The following DNAJC11 variants were observed in gnomAD, a reference collection of about 807,000 sequenced individuals.
The protein encoded by DNAJC11 is dnaJ homolog subfamily C member 11.
In DNAJC11, 15 loss-of-function variants were observed where a neutral mutation model predicts 78.6. The observed-to-expected ratio is 0.19, with a 90% confidence interval of 0.13 to 0.29. DNAJC11 has a LOEUF of 0.29. Ranked by LOEUF, DNAJC11 falls within the 10% of genes least tolerant of loss-of-function variation. DNAJC11 has a pLI of 1.00. For missense variants in DNAJC11, 547 were observed against 709.6 expected, an observed-to-expected ratio of 0.77 and a Z score of 2.60; for synonymous variants, 292 against 272.1, an observed-to-expected ratio of 1.07 and a Z score of -0.72.
Position 6,680,758 on chromosome 1 carries a change from C to A in DNAJC11, c.202+150G>T. On this transcript the variant is annotated intron_variant, in intron 2 of 15. Transcript: ENST00000377577. This position sits in a 1 kb window ranked among gnomAD's most constrained non-coding sequence, Gnocchi z 4.0. Reference sequence around the variant, plus strand: ...TTTCCAAAGCAAAATACTATTCTTTCAAAGGACCCTGTCAGTGAAAAGTAC... The same window carrying A: ...TTTCCAAAGCAAAATACTATTCTTTAAAAGGACCCTGTCAGTGAAAAGTAC... The A allele has an allele frequency of 1.1e-6, 1 of 910,062 alleles. No homozygotes were observed. The highest frequency in any genetic ancestry group is 2.7e-4 in the Middle Eastern group (1 of 3,772). The allele number at this position is 910,062 out of a possible 1,614,324, so 56.4% of individuals were successfully genotyped here. A position where few individuals can be genotyped will look rare whatever the true frequency, so the allele number is the denominator to read the frequency against.
At position 6,634,598 on chromosome 1, in the gene DNAJC11, CGA is replaced by C. The variant is rs747833659; in HGVS notation, c.*1075_*1076del. 29 of 1,365,978 alleles carry C rather than the reference CGA, an allele frequency of 2.1e-5. No individual in the cohort carries two copies. The highest frequency in any genetic ancestry group is 4.6e-5 in the East Asian group (1 of 21,972). 84.6% of individuals were successfully genotyped at this position (1,365,978 alleles called of 1,614,324 possible). On this transcript the variant is annotated 3_prime_UTR_variant, in exon 16 of 16. Coordinates refer to ENST00000377577, the MANE Select transcript of DNAJC11 (RefSeq NM_018198.4). Reference sequence around the variant, plus strand: ...ACTGATGGCTGCCACTTCCAGGCCCCGAGAGACAGGCCTCACGTAACTTTACT... The same window carrying C: ...ACTGATGGCTGCCACTTCCAGGCCCCGAGACAGGCCTCACGTAACTTTACT...
intron 4 of DNAJC11, among the ~76,000 whole-genome samples, chr1:6,658,075 C>T (rs998086650): frequency 6.6e-6 from 1 of 152,226 alleles, no homozygotes; most frequent in Non-Finnish European, 1.5e-5. Flanking sequence ...CAAGAAACCA[C>T]CATTTCTGTG....
chr1:6,694,036 A>G (rs907747082), intron 1 of DNAJC11, among the ~76,000 whole-genome samples: 2 of 151,726 alleles, frequency 1.3e-5, no homozygotes, highest in Non-Finnish European at 2.9e-5. Flanking sequence ...GGGTTTCACC[A>G]TGCTGGCCAG....
chr1:6,638,531 G>A (rs1641822659), intron 11 of DNAJC11, among the ~76,000 whole-genome samples, 167 bp from the exon 12 acceptor site: 1 of 152,208 alleles, frequency 6.6e-6, no homozygotes, highest in South Asian at 2.1e-4. Context: ...AGGCAAGTCT[G>A]TTAGTCACAG....
At chr1:6,678,931 G>A (rs1451796550) in intron 2 of DNAJC11, among the ~76,000 whole-genome samples, 5 of 152,160 alleles carry the variant, frequency 3.3e-5, no homozygotes, top group East Asian at 3.8e-4. Context: ...TTACAGGTGT[G>A]AGCCACTGCA....
At position 6,667,722 on chromosome 1, in the gene DNAJC11, C is replaced by T. The variant is rs146449481; in HGVS notation, c.365G>A (p.Arg122Gln). ...CCCCTGGCTTACCTTGGGATTGGTT[C>T]GCTGCTGCAATCTCCTCTCTTCTCT... ...REREERRLQQRTNPKGTISVG... is the reference protein window; with the variant it reads ...REREERRLQQQTNPKGTISVG... The change falls in exon 4 of 16, where the codon CGA (arginine) becomes CAA (glutamine). Residue 122 changes from arginine (R) to glutamine (Q), a missense_variant. Coordinates refer to ENST00000377577, the MANE Select transcript of DNAJC11 (RefSeq NM_018198.4). 3.1e-6 allele frequency: 5 copies of T among 1,613,952 alleles called. No individual in the cohort carries two copies. The highest frequency in any genetic ancestry group is 1.3e-5 in the African/African-American group (1 of 74,890).
intron 1 of DNAJC11, among the ~76,000 whole-genome samples, chr1:6,701,020 C>T (rs528127545): frequency 6.6e-6 from 1 of 152,144 alleles, no homozygotes; most frequent in Non-Finnish European, 1.5e-5. Context: ...ATCTTTTATT[C>T]GTTGAGGAGA....
intron 3 of DNAJC11, among the ~76,000 whole-genome samples, chr1:6,676,448 G>C (rs572107871): frequency 7.5e-4 from 114 of 152,266 alleles, no homozygotes; most frequent in African/African-American, 2.5e-3. Flanking sequence ...GGGAGGCTGA[G>C]GGGGGAGGGT....
chr1:6,697,424 G>A (rs1236739614), intron 1 of DNAJC11, among the ~76,000 whole-genome samples: 4 of 151,994 alleles, frequency 2.6e-5, no homozygotes, highest in Non-Finnish European at 5.9e-5. Context: ...GGATCATCAG[G>A]CATTAGTCAA....
chr1:6,665,786 A>G (rs1642284441), intron 4 of DNAJC11, among the ~76,000 whole-genome samples: 1 of 152,160 alleles, frequency 6.6e-6, no homozygotes, highest in African/African-American at 2.4e-5. Flanking sequence ...ACTGCTCCTA[A>G]CACAGCAAAC....
At position 6,634,513 on chromosome 1, in the gene DNAJC11, C is replaced by G. The variant is rs759752759; in HGVS notation, c.*1162G>C. 2.2e-6 allele frequency: 3 copies of G among 1,354,038 alleles called. No homozygotes were observed. Among genetic ancestry groups the G allele is most frequent in the Non-Finnish European group, 2.0e-6 (2 of 1,016,550 alleles). 83.9% of individuals were successfully genotyped at this position (1,354,038 alleles called of 1,614,324 possible). ...GAGGCCGGCGCAGCTTGGGGCCCCCCGCGCCAGCTGTCTCAGCCACCACCT... is the reference window on the plus strand; with the variant it reads ...GAGGCCGGCGCAGCTTGGGGCCCCCGGCGCCAGCTGTCTCAGCCACCACCT... On this transcript the variant is annotated 3_prime_UTR_variant, in exon 16 of 16. Coordinates refer to ENST00000377577, the MANE Select transcript of DNAJC11 (RefSeq NM_018198.4).
intron 3 of DNAJC11, chr1:6,668,043 C>G: frequency 1.9e-6 from 1 of 514,586 alleles, no homozygotes; most frequent in Non-Finnish European, 3.5e-6. Context: ...AGTTTTCACT[C>G]AGCTCTCCAG....
At chr1:6,649,624 G>A (rs1246871155) in intron 7 of DNAJC11, among the ~76,000 whole-genome samples, 1 of 152,078 alleles carries the variant, frequency 6.6e-6, no homozygotes, top group Non-Finnish European at 1.5e-5. Context: ...ACAGACAAAC[G>A]ACCAGACTAG....
At chr1:6,684,098 T>G (rs1277218454) in intron 1 of DNAJC11, among the ~76,000 whole-genome samples, 1 of 151,694 alleles carries the variant, frequency 6.6e-6, no homozygotes, top group Non-Finnish European at 1.5e-5. Flanking sequence ...TTTTTTTTTT[T>G]GAGATGGAGT....
At chr1:6,651,381 C>G in intron 7 of DNAJC11, 148 bp downstream of exon 7, 1 of 710,826 alleles carries the variant, frequency 1.4e-6, no homozygotes. Context: ...CTGGGCTTCA[C>G]GCCAGTGCTA....
Position 6,667,763 on chromosome 1 carries a change from C to G in DNAJC11, c.324G>C (p.Glu108Asp). ...TCTCTTCTCTCTCTCTCTGCAGCCG[C>G]TCAAACTCCTCTCGAATTTCAGCAG... ...RTPAEIREEFERLQREREERR... is the reference protein window; with the variant it reads ...RTPAEIREEFDRLQREREERR... The change falls in exon 4 of 16, where the codon GAG becomes GAC. Residue 108 changes from glutamate (E) to aspartate (D), a missense_variant. Glu to Asp is a conservative substitution (Grantham distance 45). Transcript: ENST00000377577. 6.2e-7 allele frequency: 1 copy of G among 1,614,146 alleles called. No individual in the cohort carries two copies. Among genetic ancestry groups the G allele is most frequent in the Non-Finnish European group, 8.5e-7 (1 of 1,180,034 alleles).
At chr1:6,650,006 G>A (rs1557470808) in intron 7 of DNAJC11, among the ~76,000 whole-genome samples, 1 of 152,116 alleles carries the variant, frequency 6.6e-6, no homozygotes, top group South Asian at 2.1e-4. Flanking sequence ...CACTGTGCCT[G>A]GGCACAGTGG....
chr1:6,657,147 C>T (rs1395304516), intron 4 of DNAJC11, among the ~76,000 whole-genome samples: 1 of 152,116 alleles, frequency 6.6e-6, no homozygotes, highest in Non-Finnish European at 1.5e-5. Flanking sequence ...CTCAGACTTG[C>T]TTTTGTCCAA....
At position 6,681,352 on chromosome 1, in the gene DNAJC11, C is replaced by T. The variant is rs550162185; in HGVS notation, c.73-315G>A. On this transcript the variant is annotated intron_variant, in intron 1 of 15. Coordinates refer to ENST00000377577, the MANE Select transcript of DNAJC11 (RefSeq NM_018198.4). ...AAAATGTCACAGAGACGTGCTAACT[C>T]TTTAACTTATTTGAAGTAAATCATG... 7.9e-5 allele frequency among the ~76,000 whole-genome samples: 12 copies of T among 152,290 alleles called. No individual in the cohort carries two copies. The South Asian group carries it at 2.5e-3, about 32-fold the overall frequency.
Sources: allele counts gnomAD v4.1 joint callset (sites outside exome capture counted in the v4.1 genomes callset), GRCh38; gene constraint gnomAD v4.1.1; non-coding constraint Gnocchi (gnomAD v3.1); transcripts MANE v1.5; gene names NCBI Gene and HGNC (gene_info 2026-07-23, HGNC 2026-07-21).